Variants in GLIS3 observed in about 807,000 individuals in gnomAD.
The protein encoded by GLIS3 is GLIS family zinc finger 3.
A neutral mutation model predicts 78.6 loss-of-function variants in GLIS3; 53 were observed. The observed-to-expected ratio is 0.67, with a 90% CI of 0.54 to 0.85. The LOEUF (loss-of-function observed/expected upper bound fraction) is 0.85, where lower values mean the gene tolerates loss of function less well. Among genes scored for constraint, GLIS3 ranks in the 40% least tolerant of loss-of-function variants. GLIS3 has a pLI of 0.00. For synonymous variants in GLIS3, 684 were observed against 509.9 expected, an observed-to-expected ratio of 1.34 and a Z score of -4.60; for missense variants, 1,703 against 1,231.1, an observed-to-expected ratio of 1.38 and a Z score of -5.74.
At chr9:4,394,869 A>G in the GLIS3 span, among the ~76,000 whole-genome samples, 1 of 152,202 alleles carries the variant, frequency 6.6e-6, no homozygotes, top group Non-Finnish European at 1.5e-5. Flanking sequence ...ACTATTATGA[A>G]TATCTTTATA....
intron 9 of GLIS3, among the ~76,000 whole-genome samples, chr9:3,835,920 A>C (rs763773052): frequency 2.3e-4 from 35 of 152,370 alleles, no homozygotes; most frequent in South Asian, 4.1e-4. Flanking sequence ...TTAGTGAGAA[A>C]GAAAGACAAA....
At chr9:4,458,983 C>T in the GLIS3 span, among the ~76,000 whole-genome samples, 2 of 152,048 alleles carry the variant, frequency 1.3e-5, no homozygotes, top group Admixed American at 6.6e-5. Context: ...ATGGCCTTAC[C>T]ACATGGATCC....
chr9:4,333,842 C>G (rs1003948255), intron 2 of GLIS3, among the ~76,000 whole-genome samples: 1 of 148,460 alleles, frequency 6.7e-6, no homozygotes, highest in Non-Finnish European at 1.5e-5. Flanking sequence ...TCATAAAGCT[C>G]CAAACAACAC....
intron 4 of GLIS3, among the ~76,000 whole-genome samples, chr9:3,974,094 G>C (rs1818585084): frequency 1.3e-5 from 2 of 152,144 alleles, no homozygotes; most frequent in African/African-American, 4.8e-5. Context: ...AGTGAGATGT[G>C]TAAAGCTCTT....
At chr9:4,199,154 T>A (rs1161467163) in intron 2 of GLIS3, among the ~76,000 whole-genome samples, 3 of 152,016 alleles carry the variant, frequency 2.0e-5, no homozygotes, top group African/African-American at 7.2e-5. Context: ...AATCACCCAA[T>A]AGAAACTACA....
At chr9:4,466,993 C>G in the GLIS3 span, among the ~76,000 whole-genome samples, 1 of 152,242 alleles carries the variant, frequency 6.6e-6, no homozygotes, top group South Asian at 2.1e-4. Flanking sequence ...TATCCCGCAC[C>G]TGGCTCGGCG....
intron 2 of GLIS3, among the ~76,000 whole-genome samples, chr9:4,165,370 G>A (rs1265043857): frequency 1.3e-5 from 2 of 152,212 alleles, no homozygotes; most frequent in African/African-American, 4.8e-5. Flanking sequence ...GAGCCCAGGA[G>A]GCGGAGGTTG....
chr9:4,187,943 C>T (rs1176961613), intron 2 of GLIS3, among the ~76,000 whole-genome samples: 5 of 152,072 alleles, frequency 3.3e-5, no homozygotes, highest in Admixed American at 6.6e-5. Context: ...CATCTGCAAA[C>T]AGGGACAATC....
At chr9:4,423,725 A>C in the GLIS3 span, among the ~76,000 whole-genome samples, 7 of 152,328 alleles carry the variant, frequency 4.6e-5, no homozygotes, top group East Asian at 1.4e-3. Context: ...ACATGGAATC[A>C]TTTTTATTAA....
At chr9:3,848,406 G>A (rs1819198238) in intron 9 of GLIS3, among the ~76,000 whole-genome samples, 1 of 152,228 alleles carries the variant, frequency 6.6e-6, no homozygotes, top group Non-Finnish European at 1.5e-5. Flanking sequence ...GGAGGCTGAG[G>A]CAGGAGAATC....
intron 1 of GLIS3, among the ~76,000 whole-genome samples, chr9:4,297,603 T>C (rs62541849): frequency 0.22 from 34,162 of 152,024 alleles, 4,650 homozygotes; most frequent in Middle Eastern, 0.34. Context: ...CAACCCTCTT[T>C]GTGAAACGGG....
intron 4 of GLIS3, among the ~76,000 whole-genome samples, chr9:4,028,366 T>C (rs1823525898): frequency 6.6e-6 from 1 of 152,192 alleles, no homozygotes. Flanking sequence ...AATTATCTTG[T>C]TTCCTTCTCT....
rs530935453 is a variant in GLIS3 at position 4,025,649 on chromosome 9, A to G, written c.1711-88460T>C. Among the ~76,000 whole-genome samples, 140 of 152,160 alleles carry G rather than the reference A, an allele frequency of 9.2e-4. 1 individual carries two copies. The highest frequency in any genetic ancestry group is 3.7e-3 in the Admixed American group (56 of 15,286). ...GATCCGCCCGTCTCAGCCTCCCAAA[A>G]TGCTGGGATTACAGGTGTGAGCCAC... On this transcript the variant is annotated intron_variant, in intron 4 of 10. Transcript: ENST00000381971.
intron 4 of GLIS3, among the ~76,000 whole-genome samples, chr9:3,939,694 A>C (rs746108511): frequency 8.5e-5 from 13 of 152,210 alleles, no homozygotes; most frequent in Non-Finnish European, 1.6e-4. Flanking sequence ...ACAATAGAAC[A>C]GCATTACAGT....
At chr9:4,243,989 G>T (rs1242632558) in intron 2 of GLIS3, among the ~76,000 whole-genome samples, 2 of 152,124 alleles carry the variant, frequency 1.3e-5, no homozygotes. Context: ...AGAACATCTG[G>T]CCATTCCCTG....
chr9:3,838,575 C>T (rs889604462), intron 9 of GLIS3, among the ~76,000 whole-genome samples: 4 of 152,142 alleles, frequency 2.6e-5, no homozygotes, highest in South Asian at 4.1e-4. Context: ...GCTAAAAATA[C>T]GCTTCCACAC....
At chr9:4,285,524 TTATTTA>T (rs1179992616) in intron 2 of GLIS3, 1 of 152,424 alleles carries the variant, frequency 6.6e-6, no homozygotes, top group African/African-American at 2.4e-5. Flanking sequence ...TTAATTTTTC[TTATTTA>T]TATTTATTGA....
In GLIS3 at chr9:4,270,923, GTGTGTGTGTGTA is replaced by G. The variant is rs1479127131; in HGVS notation, c.388+15103_388+15114del. 7.3e-3 allele frequency among the ~76,000 whole-genome samples: 499 copies of G among 68,218 alleles called. 2 individuals are homozygous for G. Among genetic ancestry groups the G allele is most frequent in the African/African-American group, 0.016 (291 of 17,756 alleles). 44.8% of individuals were successfully genotyped at this position (68,218 alleles called of 152,430 possible). A position where few individuals can be genotyped will look rare whatever the true frequency, so the allele number is the denominator to read the frequency against. ...TGTGTGTGTGTGTGTGTGTGTGTGT[GTGTGTGTGTGTA>G]TACACAACTGACCCTTGAACAACAC... On this transcript the variant is annotated intron_variant, in intron 2 of 10. Transcript: ENST00000381971.
chr9:4,462,164 C>G, the GLIS3 span, among the ~76,000 whole-genome samples: 1 of 152,264 alleles, frequency 6.6e-6, no homozygotes, highest in African/African-American at 2.4e-5. Flanking sequence ...CCCAGGGCTG[C>G]AGGAGTCTTG....
Sources: allele counts gnomAD v4.1 joint callset (sites outside exome capture counted in the v4.1 genomes callset), GRCh38; gene constraint gnomAD v4.1.1; transcripts MANE v1.5; gene names NCBI Gene and HGNC (gene_info 2026-07-23, HGNC 2026-07-21).